Variants in ELAPOR2 observed in about 807,000 individuals in gnomAD.
ELAPOR2 encodes the protein endosome/lysosome-associated apoptosis and autophagy regulator family member 2.
In ELAPOR2, 89 loss-of-function variants were observed where a neutral mutation model predicts 120.7. That is an observed-to-expected ratio of 0.74 (90% CI 0.62 to 0.88). ELAPOR2 has a LOEUF of 0.88. ELAPOR2 is among the 40% of genes least tolerant of loss of function. ELAPOR2 has a pLI of 0.00. For missense variants in ELAPOR2, 1,134 were observed against 1,251.6 expected (o/e 0.91, Z 1.42); for synonymous variants, 444 against 444.9 (o/e 1.00, Z 0.03).
intron 1 of ELAPOR2, among the ~76,000 whole-genome samples, chr7:87,013,782 C>T (rs1367657920): frequency 4.6e-5 from 7 of 152,048 alleles, no homozygotes; most frequent in African/African-American, 7.2e-5. Context: ...ACCAGCCAGT[C>T]GAGACTTATT....
chr7:86,918,680 C>T lies in ELAPOR2; in HGVS notation c.1491-136G>A, dbSNP rs1238494966. 16 of 615,770 alleles carry T rather than the reference C, an allele frequency of 2.6e-5. No homozygotes were observed. The Middle Eastern group carries it at 1.1e-3, about 44-fold the overall frequency. 38.1% of individuals were successfully genotyped at this position (615,770 alleles called of 1,614,324 possible). A position where few individuals can be genotyped will look rare whatever the true frequency, so the allele number is the denominator to read the frequency against. ...AATCTACCACTTCCCTCACCCACAA[C>T]TCCTTCCTCACTTAATCATACCTGT... On this transcript the variant is annotated intron_variant, in intron 11 of 21. Transcript: ENST00000450689.
chr7:86,927,038 A>C (rs1373121938), intron 8 of ELAPOR2, 122 bp from the exon 9 acceptor site: 1 of 808,912 alleles, frequency 1.2e-6, no homozygotes, highest in African/African-American at 1.8e-5. Context: ...AGCTGACAGA[A>C]TCTAAAACAT....
intron 2 of ELAPOR2, 118 bp downstream of exon 2, chr7:86,964,786 A>G: frequency 9.7e-7 from 1 of 1,030,926 alleles, no homozygotes; most frequent in Middle Eastern, 2.2e-4. Flanking sequence ...GCTGGTTATC[A>G]ATGCCATATG....
intron 1 of ELAPOR2, among the ~76,000 whole-genome samples, chr7:87,052,531 G>A (rs1465709487): frequency 6.6e-6 from 1 of 152,084 alleles, no homozygotes; most frequent in Non-Finnish European, 1.5e-5. Flanking sequence ...GTTCTTGCTG[G>A]GCTTCAATCC....
chr7:86,990,292 C>T (rs142017541), intron 1 of ELAPOR2, among the ~76,000 whole-genome samples: 31 of 152,232 alleles, frequency 2.0e-4, no homozygotes, highest in African/African-American at 7.5e-4. Context: ...TCATGATCTG[C>T]CTGCCTCGGC....
At chr7:86,901,679 T>C (rs960213250) in intron 18 of ELAPOR2, among the ~76,000 whole-genome samples, 5 of 152,152 alleles carry the variant, frequency 3.3e-5, no homozygotes, top group African/African-American at 9.7e-5. Flanking sequence ...CCTAGAAAAT[T>C]TGTCAGTTGA....
At chr7:87,031,145 G>A (rs1035297000) in intron 1 of ELAPOR2, among the ~76,000 whole-genome samples, 1 of 152,150 alleles carries the variant, frequency 6.6e-6, no homozygotes, top group Non-Finnish European at 1.5e-5. Flanking sequence ...TGGGATTTGG[G>A]TGGGGACACA....
chr7:86,880,559 A>G (rs1268988810), intron 21 of ELAPOR2, 29 bp from the exon 22 acceptor site: 1 of 1,382,556 alleles, frequency 7.2e-7, no homozygotes, highest in Admixed American at 1.7e-5. Flanking sequence ...GACAAAATCA[A>G]CTCACTGAAA....
intron 1 of ELAPOR2, among the ~76,000 whole-genome samples, chr7:87,054,810 G>A (rs1795213564): frequency 6.6e-6 from 1 of 152,124 alleles, no homozygotes; most frequent in Non-Finnish European, 1.5e-5. Context: ...GAGCACCAGT[G>A]ACCTAATCAC....
chr7:86,974,893 A>G (rs1792228605), intron 1 of ELAPOR2, among the ~76,000 whole-genome samples: 2 of 152,214 alleles, frequency 1.3e-5, no homozygotes, highest in Admixed American at 1.3e-4. Context: ...ACCTCAGTCT[A>G]AATCACTTTC....
chr7:87,022,963 T>G (rs1794109999), intron 1 of ELAPOR2, among the ~76,000 whole-genome samples: 1 of 152,208 alleles, frequency 6.6e-6, no homozygotes, highest in Non-Finnish European at 1.5e-5. Flanking sequence ...TCATTGTAGA[T>G]TCTGGATATT....
chr7:87,007,167 A>C (rs1793510587), intron 1 of ELAPOR2, among the ~76,000 whole-genome samples: 1 of 152,194 alleles, frequency 6.6e-6, no homozygotes. Flanking sequence ...TGTACACTTA[A>C]CATTTGTGCA....
chr7:86,963,873 T>C (rs553710000), intron 2 of ELAPOR2, among the ~76,000 whole-genome samples: 2 of 152,242 alleles, frequency 1.3e-5, no homozygotes, highest in Non-Finnish European at 2.9e-5. Flanking sequence ...AGCTTTCACC[T>C]GCCCACTTGA....
In ELAPOR2 at chr7:86,991,702, C is replaced by T. The variant is rs977890049; in HGVS notation, c.190-26678G>A. On this transcript the variant is annotated intron_variant, in intron 1 of 21. Transcript: ENST00000450689. ...AGCTTGTTTAAAGGCTCCATGAAGTCATGAGGCTCCTTCTGTCTTCCTGCT... is the reference window on the plus strand; with the variant it reads ...AGCTTGTTTAAAGGCTCCATGAAGTTATGAGGCTCCTTCTGTCTTCCTGCT... Among the ~76,000 whole-genome samples the T allele has an allele frequency of 2.6e-5, 4 of 152,226 alleles. No homozygotes were observed. In the East Asian group the frequency reaches 7.7e-4, roughly 29 times the overall value.
chr7:86,906,406 C>T (rs1310480011), intron 18 of ELAPOR2, among the ~76,000 whole-genome samples: 1 of 152,020 alleles, frequency 6.6e-6, no homozygotes, highest in Non-Finnish European at 1.5e-5. Context: ...AATCATAGGT[C>T]TATGAGAAGT....
At chr7:86,938,754 C>T in intron 7 of ELAPOR2, 54 bp downstream of exon 7, 2 of 1,579,196 alleles carry the variant, frequency 1.3e-6, no homozygotes, top group Non-Finnish European at 8.7e-7. Flanking sequence ...TATAAATGTA[C>T]ACTTGACCAA....
intron 1 of ELAPOR2, among the ~76,000 whole-genome samples, chr7:87,017,570 T>C (rs1180171560): frequency 6.6e-6 from 1 of 152,164 alleles, no homozygotes; most frequent in Non-Finnish European, 1.5e-5. Context: ...CTAATTTCTT[T>C]TATAATAAAC....
chr7:86,937,275 G>T (rs1790599219), intron 8 of ELAPOR2, among the ~76,000 whole-genome samples: 1 of 151,942 alleles, frequency 6.6e-6, no homozygotes, highest in Non-Finnish European at 1.5e-5. Context: ...AAGGACCTAA[G>T]ATAATATTAA....
intron 1 of ELAPOR2, among the ~76,000 whole-genome samples, chr7:86,992,046 T>C (rs1417227191): frequency 1.3e-5 from 2 of 152,238 alleles, no homozygotes; most frequent in African/African-American, 4.8e-5. Flanking sequence ...AATTACATCA[T>C]ATGCTTTTTC....
Sources: gnomAD v4.1 joint callset for allele counts (sites outside exome capture counted in the v4.1 genomes callset) on GRCh38, gnomAD v4.1.1 for gene constraint, MANE v1.5 for transcripts, NCBI Gene and HGNC (gene_info 2026-07-23, HGNC 2026-07-21) for gene names.